Variants in HS3ST1 observed in about 807,000 individuals in gnomAD.
The protein encoded by HS3ST1 is heparan sulfate-glucosamine 3-sulfotransferase 1, also known as heparan sulfate glucosamine 3-O-sulfotransferase 1.
Under a neutral mutation model 20.7 loss-of-function variants are expected in HS3ST1, and 8 were observed. The observed-to-expected ratio is 0.39, with a 90% CI of 0.23 to 0.70. The LOEUF (loss-of-function observed/expected upper bound fraction) is 0.70, where lower values mean the gene tolerates loss of function less well. Ranked by LOEUF, HS3ST1 falls within the 30% of genes least tolerant of loss-of-function variation. The probability of loss-of-function intolerance (pLI) is 0.46; values close to 1 mark genes in which losing one functional copy is unlikely to be tolerated. For synonymous variants in HS3ST1, 205 were observed against 190.4 expected (o/e 1.08, Z -0.63); for missense variants, 436 against 423.4 (o/e 1.03, Z -0.26).
upstream of HS3ST1, chr4:11,429,497 G>A (rs1320605171): frequency 1.3e-5 from 2 of 152,264 alleles, no homozygotes; most frequent in African/African-American, 4.8e-5. Context: ...TCTGCAGCCG[G>A]ACTGGGACCG....
intron 1 of HS3ST1, chr4:11,428,482 G>A (rs77102010): frequency 0.015 from 2,356 of 152,500 alleles, 18 homozygotes; most frequent in Non-Finnish European, 0.022. Context: ...GGTCCCTCGG[G>A]ACTTCCAGAG....
At chr4:11,405,179 C>T (rs929887082) in intron 1 of HS3ST1, among the ~76,000 whole-genome samples, 1 of 152,216 alleles carries the variant, frequency 6.6e-6, no homozygotes, top group Admixed American at 6.5e-5. Context: ...AAATGAACCT[C>T]CGATGGGTTA....
chr4:11,434,220 ATATT>A (rs1308956494), upstream of HS3ST1, among the ~76,000 whole-genome samples: 1 of 152,196 alleles, frequency 6.6e-6, no homozygotes, highest in African/African-American at 2.4e-5. Flanking sequence ...GGCTATATAT[ATATT>A]AATCTGCTTT....
At position 11,397,944 on chromosome 4, in the gene HS3ST1, C is replaced by G. The variant is rs1275285776; in HGVS notation, c.*1138G>C. ...ATAAGAAGGGTTTATGTGACCATCT[C>G]CAACAAGCTGGCTGCTCAGGGGCAG... On this transcript the variant is annotated 3_prime_UTR_variant, in exon 2 of 2. Coordinates refer to ENST00000002596, the MANE Select transcript of HS3ST1 (RefSeq NM_005114.4). 6.6e-6 allele frequency: 1 copy of G among 152,166 alleles called. No homozygotes were observed. Among genetic ancestry groups the G allele is most frequent in the East Asian group, 1.9e-4 (1 of 5,196 alleles). The allele number at this position is 152,166 out of a possible 1,614,324, so 9.4% of individuals were successfully genotyped here.
At chr4:11,408,467 G>A (rs141415545) in intron 1 of HS3ST1, among the ~76,000 whole-genome samples, 10 of 152,294 alleles carry the variant, frequency 6.6e-5, no homozygotes, top group African/African-American at 2.4e-4. Context: ...AAAGGACAGT[G>A]ACACATAGAA....
chr4:11,418,096 C>T (rs1560236254), intron 1 of HS3ST1, among the ~76,000 whole-genome samples: 1 of 152,200 alleles, frequency 6.6e-6, no homozygotes, highest in African/African-American at 2.4e-5. Flanking sequence ...AAGAGAGCCC[C>T]TCTCTTCTCA....
chr4:11,432,505 A>T (rs1320385594), upstream of HS3ST1, among the ~76,000 whole-genome samples: 1 of 152,200 alleles, frequency 6.6e-6, no homozygotes, highest in Non-Finnish European at 1.5e-5. Context: ...CTTGTTGGGT[A>T]TTGTTTAATT....
upstream of HS3ST1, among the ~76,000 whole-genome samples, chr4:11,433,693 T>A (rs1463579231): frequency 6.6e-6 from 1 of 151,822 alleles, no homozygotes; most frequent in East Asian, 1.9e-4. Context: ...AAAGTTTTCC[T>A]CCTGGCAGGC....
rs1718194578 is a variant in HS3ST1, at chr4:11,398,342, G to T, written c.*740C>A. On this transcript the variant is annotated 3_prime_UTR_variant, in exon 2 of 2. Coordinates refer to ENST00000002596, the MANE Select transcript of HS3ST1 (RefSeq NM_005114.4). ...GAGGCCAGCTGCCACCTGGGGCAAAGTATCCAGGTCCAAGATCATTCTGAA... is the reference window on the plus strand; with the variant it reads ...GAGGCCAGCTGCCACCTGGGGCAAATTATCCAGGTCCAAGATCATTCTGAA... 6.6e-6 allele frequency: 1 copy of T among 152,224 alleles called. No homozygotes were observed. The highest frequency in any genetic ancestry group is 2.4e-5 in the African/African-American group (1 of 41,440). 9.4% of individuals were successfully genotyped at this position (152,224 alleles called of 1,614,324 possible).
intron 1 of HS3ST1, among the ~76,000 whole-genome samples, chr4:11,406,422 CA>C (rs1000617926): frequency 1.3e-5 from 2 of 152,108 alleles, no homozygotes; most frequent in African/African-American, 2.4e-5. Flanking sequence ...ATAGGGGTGT[CA>C]TCATAATTAA....
intron 1 of HS3ST1, among the ~76,000 whole-genome samples, chr4:11,403,264 C>T (rs181135972): frequency 1.3e-3 from 199 of 152,282 alleles, no homozygotes; most frequent in African/African-American, 4.5e-3. Flanking sequence ...ATTACATACA[C>T]ACTGTGGGCA....
intron 1 of HS3ST1, among the ~76,000 whole-genome samples, chr4:11,416,405 AGCTGTCTCCTGAGGGAT>A (rs1265092690): frequency 1.3e-5 from 2 of 152,148 alleles, no homozygotes; most frequent in African/African-American, 2.4e-5. Context: ...GCTCTCTGGG[AGCTGTCTCCTGAGGGAT>A]GCAGCCAAGT....
At chr4:11,400,239 T>A in intron 1 of HS3ST1, 126 bp from the exon 2 acceptor site, 3 of 754,914 alleles carry the variant, frequency 4.0e-6, no homozygotes, top group Non-Finnish European at 5.7e-6. Context: ...TCTTATCCTA[T>A]ACAGGAGCCG....
At chr4:11,414,452 C>G (rs1034282945) in intron 1 of HS3ST1, among the ~76,000 whole-genome samples, 3 of 152,206 alleles carry the variant, frequency 2.0e-5, no homozygotes, top group African/African-American at 7.2e-5. Context: ...CTGAAATGTT[C>G]TAGCCCATAG....
intron 1 of HS3ST1, among the ~76,000 whole-genome samples, chr4:11,415,513 A>C (rs1392544132): frequency 6.6e-6 from 1 of 152,252 alleles, no homozygotes; most frequent in Non-Finnish European, 1.5e-5. Flanking sequence ...AAAGAAAAAT[A>C]TTAGTAATAA....
chr4:11,414,665 C>T (rs1259209108), intron 1 of HS3ST1, among the ~76,000 whole-genome samples: 1 of 152,102 alleles, frequency 6.6e-6, no homozygotes, highest in African/African-American at 2.4e-5. Context: ...GTCCAACATG[C>T]CAAGGAAGAT....
chr4:11,403,214 C>T (rs1718375884), intron 1 of HS3ST1, among the ~76,000 whole-genome samples: 2 of 152,158 alleles, frequency 1.3e-5, no homozygotes, highest in African/African-American at 4.8e-5. Context: ...AATGTATGCA[C>T]ACATATATTC....
chr4:11,422,485 TGAAA>T (rs377202737), intron 1 of HS3ST1, among the ~76,000 whole-genome samples: 11 of 152,210 alleles, frequency 7.2e-5, no homozygotes, highest in African/African-American at 2.6e-4. Context: ...ATTATTACCA[TGAAA>T]GAAAGAAGGT....
upstream of HS3ST1, among the ~76,000 whole-genome samples, chr4:11,433,903 A>G (rs1000758865): frequency 6.6e-6 from 1 of 152,226 alleles, no homozygotes; most frequent in African/African-American, 2.4e-5. Flanking sequence ...TAGAAGGTCC[A>G]AGGAGCATTT....
Sources: allele counts gnomAD v4.1 joint callset (sites outside exome capture counted in the v4.1 genomes callset), GRCh38; gene constraint gnomAD v4.1.1; transcripts MANE v1.5; gene names NCBI Gene and HGNC (gene_info 2026-07-23, HGNC 2026-07-21).